The following AFMID variants were observed in gnomAD, a reference collection of about 807,000 sequenced individuals.
AFMID encodes the protein kynurenine formamidase.
A neutral mutation model predicts 47.5 loss-of-function variants in AFMID; 39 were observed. The observed-to-expected ratio is 0.82, with a 90% CI of 0.64 to 1.07. AFMID has a LOEUF of 1.07. AFMID is among the 50% of genes least tolerant of loss of function. The pLI is 0.00. For synonymous variants in AFMID, 130 were observed against 153.2 expected (o/e 0.85, Z 1.12); for missense variants, 375 against 387.5 (o/e 0.97, Z 0.27).
intron 2 of AFMID, among the ~76,000 whole-genome samples, chr17:78,195,494 C>T (rs1274474258): frequency 6.6e-6 from 1 of 150,918 alleles, no homozygotes; most frequent in East Asian, 2.0e-4. Flanking sequence ...CGCGTGCAGC[C>T]CTGCAGTCCT....
rs1026135231 is a variant in AFMID, at chr17:78,197,528, A to G, written c.155-4971A>G. 17 of 265,928 alleles carry G rather than the reference A, an allele frequency of 6.4e-5. No individual in the cohort carries two copies. In the South Asian group the frequency reaches 1.1e-3, roughly 18 times the overall value. 16.5% of individuals were successfully genotyped at this position (265,928 alleles called of 1,614,324 possible). On this transcript the variant is annotated intron_variant, in intron 2 of 10. Transcript: ENST00000409257. ...TTGATCTTGGACTTCCAGTTTGCAGAACTGTGAGAAAATAAAATTTCCATT... is the reference window on the plus strand; with the variant it reads ...TTGATCTTGGACTTCCAGTTTGCAGGACTGTGAGAAAATAAAATTTCCATT...
intron 2 of AFMID, among the ~76,000 whole-genome samples, chr17:78,200,237 C>T (rs1030871745): frequency 2.0e-5 from 3 of 152,126 alleles, no homozygotes; most frequent in Non-Finnish European, 4.4e-5. Flanking sequence ...CTCACTGCAA[C>T]CTCTGCCTCC....
At chr17:78,188,143 G>C (rs73999671) in intron 1 of AFMID, among the ~76,000 whole-genome samples, 11,008 of 151,502 alleles carry the variant, frequency 0.073, 837 homozygotes, top group African/African-American at 0.19. Context: ...CATACAGGCC[G>C]GGTGCGGTGG....
At chr17:78,187,514 T>C in intron 1 of AFMID, 81 bp downstream of exon 1, 4 of 1,555,094 alleles carry the variant, frequency 2.6e-6, no homozygotes, top group Non-Finnish European at 3.5e-6. Flanking sequence ...GAAGGAAGCT[T>C]AGAAGCCGTC....
rs117605451 is a variant in AFMID, at chr17:78,206,509, T to C, written c.886-402T>C. On this transcript the variant is annotated intron_variant, in intron 10 of 10. Transcript: ENST00000409257. ...CTCTCTGCTGCCTCCTGGGCTCAAG[T>C]GGTTATCCTGCCCCAGCCTCTCGAG... 7.9e-5 allele frequency among the ~76,000 whole-genome samples: 12 copies of C among 151,752 alleles called. No individual in the cohort carries two copies. In the East Asian group the frequency reaches 2.1e-3, roughly 27 times the overall value.
chr17:78,188,489 G>A (rs1447247257), intron 1 of AFMID, among the ~76,000 whole-genome samples: 5 of 152,070 alleles, frequency 3.3e-5, no homozygotes, highest in Admixed American at 6.6e-5. Flanking sequence ...GCATGATCTC[G>A]GCTCACTGCA....
intron 2 of AFMID, among the ~76,000 whole-genome samples, chr17:78,198,159 G>A (rs2076157964): frequency 6.6e-6 from 1 of 152,130 alleles, no homozygotes; most frequent in African/African-American, 2.4e-5. Flanking sequence ...AACCTAGGAG[G>A]TTAAGGCTGC....
At position 78,191,835 on chromosome 17, in the gene AFMID, G is replaced by A. The variant is rs371910134; in HGVS notation, c.154+775G>A. 3.0e-4 allele frequency among the ~76,000 whole-genome samples: 44 copies of A among 148,796 alleles called. No homozygotes were observed. In the East Asian group the frequency reaches 6.1e-3, roughly 21 times the overall value. On this transcript the variant is annotated intron_variant, in intron 2 of 10. Coordinates refer to ENST00000409257, the MANE Select transcript of AFMID (RefSeq NM_001010982.5). ...TTCCTGAGTAGCTGGGACTATAGGC[G>A]CACCTCTCCACACCCAGCTGATTTT...
intron 2 of AFMID, among the ~76,000 whole-genome samples, chr17:78,196,493 AC>A (rs1405383458): frequency 6.6e-6 from 1 of 152,210 alleles, no homozygotes; most frequent in African/African-American, 2.4e-5. Flanking sequence ...AGCCTGGCCA[AC>A]ACGACAAAAC....
In AFMID at chr17:78,187,927, T is replaced by C. The variant is rs118171406; in HGVS notation, c.63+494T>C. Among the ~76,000 whole-genome samples the C allele has an allele frequency of 3.3e-3, 407 of 122,088 alleles. 5 individuals carry two copies. In the East Asian group the frequency reaches 0.034, roughly 10 times the overall value. 80.1% of individuals were successfully genotyped at this position (122,088 alleles called of 152,430 possible). Reference sequence around the variant, plus strand: ...AGATCATGCCATTTGTACTCCAGCCTGGAAGGCTGGGCGATAGACCAAGAC... The same window carrying C: ...AGATCATGCCATTTGTACTCCAGCCCGGAAGGCTGGGCGATAGACCAAGAC... On this transcript the variant is annotated intron_variant, in intron 1 of 10. Transcript: ENST00000409257.
At chr17:78,197,281 C>A in intron 2 of AFMID, 1 of 1,399,986 alleles carries the variant, frequency 7.1e-7, no homozygotes, top group Non-Finnish European at 9.8e-7. Context: ...CCGGCAATGG[C>A]CTCACAGTGA....
rs561712629 is a variant in AFMID, at chr17:78,205,167, A to T, written c.542A>T (p.His181Leu). ...AMMLLADWTK[H>L]GVTPNLRGFF... ...ATGCTCCTGGCCGACTGGACCAAGC[A>T]TGGGGTCACGCCCAACCTCAGAGGT... The change falls in exon 7 of 11, where the codon CAT becomes CTT. Residue 181 changes from histidine (H) to leucine (L), a missense_variant. By Grantham distance (99) the His-to-Leu change is moderately conservative. Coordinates refer to ENST00000409257, the MANE Select transcript of AFMID (RefSeq NM_001010982.5). 11 of 1,612,434 alleles carry T rather than the reference A, an allele frequency of 6.8e-6. No homozygotes were observed. The highest frequency in any genetic ancestry group is 9.3e-6 in the Non-Finnish European group (11 of 1,179,436).
chr17:78,191,745 A>G (rs976704771), intron 2 of AFMID, among the ~76,000 whole-genome samples: 2 of 147,688 alleles, frequency 1.4e-5, no homozygotes, highest in Non-Finnish European at 3.0e-5. Context: ...GCTGGAGTGC[A>G]GTGGCGCGAT....
At chr17:78,200,415 G>A (rs1428048438) in intron 2 of AFMID, among the ~76,000 whole-genome samples, 2 of 152,152 alleles carry the variant, frequency 1.3e-5, no homozygotes, top group Admixed American at 1.3e-4. Flanking sequence ...CAGCCTCCCT[G>A]TAACCAGCTG....
intron 2 of AFMID, chr17:78,192,740 T>G: frequency 2.2e-6 from 1 of 456,850 alleles, no homozygotes; most frequent in South Asian, 1.6e-5. Context: ...CACCTGGTAA[T>G]GCATCCGTGC....
intron 1 of AFMID, among the ~76,000 whole-genome samples, chr17:78,190,551 G>A (rs528259418): frequency 2.6e-4 from 39 of 152,248 alleles, no homozygotes; most frequent in African/African-American, 8.7e-4. Context: ...ACACCACCAC[G>A]CTCGGCTAGT....
At position 78,202,482 on chromosome 17, in the gene AFMID, G is replaced by A. The variant is rs1567852478; in HGVS notation, c.155-17G>A. 1.2e-6 allele frequency: 2 copies of A among 1,612,516 alleles called. No homozygotes were observed. Among genetic ancestry groups the A allele is most frequent in the Non-Finnish European group, 1.7e-6 (2 of 1,178,654 alleles). ...CCTGAGCTTGTGCTGACAGCGACTT[G>A]TCCATTTCTGAGACAGCCACCACAA... On this transcript the variant is annotated splice_polypyrimidine_tract_variant and intron_variant, in intron 2 of 10. Coordinates refer to ENST00000409257, the MANE Select transcript of AFMID (RefSeq NM_001010982.5).
At chr17:78,191,164 C>T (rs1351955535) in intron 2 of AFMID, 104 bp downstream of exon 2, 9 of 969,272 alleles carry the variant, frequency 9.3e-6, no homozygotes, top group Middle Eastern at 5.3e-4. Flanking sequence ...ACCTGGGCCT[C>T]GAGGGGCATT....
chr17:78,190,775 A>C (rs1028133205), intron 1 of AFMID, 195 bp from the exon 2 acceptor site: 4 of 551,138 alleles, frequency 7.3e-6, no homozygotes, highest in Non-Finnish European at 1.3e-5. Context: ...TCTCCCCTTA[A>C]GGCTGCCAGC....
Sources: gnomAD v4.1 joint callset for allele counts (sites outside exome capture counted in the v4.1 genomes callset) on GRCh38, gnomAD v4.1.1 for gene constraint, MANE v1.5 for transcripts, NCBI Gene and HGNC (gene_info 2026-07-23, HGNC 2026-07-21) for gene names.